The following PTPN3 variants were observed in gnomAD, a reference collection of about 807,000 sequenced individuals.
PTPN3 encodes the protein tyrosine-protein phosphatase non-receptor type 3.
PTPN3 carries 96 observed loss-of-function variants against 132.7 expected under a neutral mutation model. That is an observed-to-expected ratio of 0.72 (90% CI 0.61 to 0.86). PTPN3 has a LOEUF of 0.86. Ranked by LOEUF, PTPN3 falls within the 40% of genes least tolerant of loss-of-function variation. The pLI, the probability that PTPN3 is intolerant of heterozygous loss-of-function variation, is 0.00. For synonymous variants in PTPN3, 398 were observed against 429.0 expected, an observed-to-expected ratio of 0.93 and a Z score of 0.89; for missense variants, 1,125 against 1,159.6, an observed-to-expected ratio of 0.97 and a Z score of 0.43.
At chr9:109,525,086 C>T in the PTPN3 span, among the ~76,000 whole-genome samples, 2 of 151,860 alleles carry the variant, frequency 1.3e-5, no homozygotes, top group African/African-American at 4.8e-5. Flanking sequence ...TACTTTGTCA[C>T]CTGGGCTGAG....
chr9:109,445,395 A>G, intron 6 of PTPN3, 103 bp from the exon 7 acceptor site: 1 of 1,074,990 alleles, frequency 9.3e-7, no homozygotes, highest in African/African-American at 1.6e-5. Context: ...GCTTTGATCA[A>G]CCATTACAAA....
In PTPN3 at chr9:109,431,378, C is replaced by T. The variant is rs570011932; in HGVS notation, c.764+1695G>A. 2.4e-4 allele frequency among the ~76,000 whole-genome samples: 37 copies of T among 152,324 alleles called. 1 individual carries two copies. Among genetic ancestry groups the T allele is most frequent in the Admixed American group, 1.7e-3 (26 of 15,302 alleles). On this transcript the variant is annotated intron_variant, in intron 10 of 25. Transcript: ENST00000374541. ...TAGGCTGGACCCAAGGGGCTTTAGGCCTGTGGCACCTGGAGGAAGCCCCCG... is the reference window on the plus strand; with the variant it reads ...TAGGCTGGACCCAAGGGGCTTTAGGTCTGTGGCACCTGGAGGAAGCCCCCG...
intron 1 of PTPN3, among the ~76,000 whole-genome samples, chr9:109,493,626 C>T (rs1847554404): frequency 6.6e-6 from 1 of 152,238 alleles, no homozygotes; most frequent in South Asian, 2.1e-4. Context: ...CAGGCCTCCT[C>T]TTGCACAAAG....
intron 7 of PTPN3, among the ~76,000 whole-genome samples, chr9:109,443,809 A>G (rs547242372): frequency 6.6e-6 from 1 of 152,328 alleles, no homozygotes; most frequent in African/African-American, 2.4e-5. Flanking sequence ...TGAGTTTCCC[A>G]CTAAGGAGGA....
At position 109,430,566 on chromosome 9, in the gene PTPN3, C is replaced by T. The variant is rs147458237; in HGVS notation, c.765-1882G>A. On this transcript the variant is annotated intron_variant, in intron 10 of 25. Transcript: ENST00000374541. Reference sequence around the variant, plus strand: ...AAGAAAAAAAAAATGCACTGAGAGCCTAGGATGTACAAAGTTCTATGCCAG... The same window carrying T: ...AAGAAAAAAAAAATGCACTGAGAGCTTAGGATGTACAAAGTTCTATGCCAG... Among the ~76,000 whole-genome samples the T allele has an allele frequency of 3.3e-5, 5 of 152,196 alleles. No individual in the cohort carries two copies. In the East Asian group the frequency reaches 9.7e-4, roughly 29 times the overall value.
intron 22 of PTPN3, among the ~76,000 whole-genome samples, chr9:109,387,158 TTGTA>T (rs1308171594): frequency 1.3e-5 from 2 of 152,160 alleles, no homozygotes; most frequent in Admixed American, 6.5e-5. Flanking sequence ...TTCAGGCACC[TTGTA>T]TGTGAGGACA....
intron 8 of PTPN3, among the ~76,000 whole-genome samples, 158 bp from the exon 9 acceptor site, chr9:109,437,128 A>G (rs10979864): frequency 0.34 from 51,132 of 151,992 alleles, 9,500 homozygotes; most frequent in African/African-American, 0.48. Flanking sequence ...CTACTAAAGC[A>G]AGTTTTTATT....
At chr9:109,380,783 T>C (rs187994764) in intron 25 of PTPN3, among the ~76,000 whole-genome samples, 7 of 152,336 alleles carry the variant, frequency 4.6e-5, no homozygotes, top group African/African-American at 1.2e-4. Context: ...ACAGAGCTGG[T>C]TGGAACATAT....
chr9:109,497,923 G>C (rs569275922), intron 1 of PTPN3, among the ~76,000 whole-genome samples: 4 of 148,770 alleles, frequency 2.7e-5, no homozygotes, highest in Non-Finnish European at 4.5e-5. Flanking sequence ...TGCCCGGCTG[G>C]AGCGCACGCC....
At chr9:109,403,329 C>T (rs979891195) in intron 19 of PTPN3, among the ~76,000 whole-genome samples, 2 of 152,150 alleles carry the variant, frequency 1.3e-5, no homozygotes, top group African/African-American at 2.4e-5. Context: ...CACAAATGTC[C>T]GAGTTTTGCT....
At chr9:109,454,925 C>A (rs753145034) in intron 4 of PTPN3, among the ~76,000 whole-genome samples, 2 of 152,152 alleles carry the variant, frequency 1.3e-5, no homozygotes, top group Non-Finnish European at 2.9e-5. Context: ...TAATAGCCTG[C>A]GTTTGTGTAG....
rs1373958493 is a variant in PTPN3, at chr9:109,378,868, A to G, written c.*688T>C. 1 of 152,702 alleles carries G rather than the reference A, an allele frequency of 6.5e-6. No individual in the cohort carries two copies. Among genetic ancestry groups the G allele is most frequent in the Non-Finnish European group, 1.5e-5 (1 of 68,090 alleles). The allele number at this position is 152,702 out of a possible 1,614,324, so 9.5% of individuals were successfully genotyped here. On this transcript the variant is annotated 3_prime_UTR_variant, in exon 26 of 26. Coordinates refer to ENST00000374541, the MANE Select transcript of PTPN3 (RefSeq NM_002829.4). ...ACACACTGAGAGTACCAGTTCTCAG[A>G]GCCTCAGCTGAAAATTCACCTGAAT...
upstream of PTPN3, among the ~76,000 whole-genome samples, chr9:109,501,439 TG>T (rs1349755875): frequency 6.6e-6 from 1 of 152,218 alleles, no homozygotes; most frequent in African/African-American, 2.4e-5. Context: ...TAGGGTTTTT[TG>T]CCTTATTTTC....
At chr9:109,426,831 G>T in intron 12 of PTPN3, 119 bp downstream of exon 12, 1 of 1,123,694 alleles carries the variant, frequency 8.9e-7, no homozygotes, top group South Asian at 1.6e-5. Flanking sequence ...GAGATCCAAT[G>T]CCTGGAGCCC....
intron 2 of PTPN3, among the ~76,000 whole-genome samples, chr9:109,458,062 G>A (rs79566734): frequency 0.047 from 7,176 of 152,254 alleles, 333 homozygotes; most frequent in East Asian, 0.28. Context: ...GGGCAGGCAC[G>A]GTGTGGGAAT....
chr9:109,534,776 C>T, the PTPN3 span, among the ~76,000 whole-genome samples: 1 of 151,786 alleles, frequency 6.6e-6, no homozygotes. Context: ...CACTCCAGCC[C>T]GGAAGACAAG....
chr9:109,485,229 C>T (rs922156319), intron 1 of PTPN3, among the ~76,000 whole-genome samples: 17 of 152,034 alleles, frequency 1.1e-4, no homozygotes, highest in South Asian at 1.0e-3. Flanking sequence ...AAAAGTCGGC[C>T]GGGCGCGGTG....
At chr9:109,489,307 G>A (rs1442467994) in intron 1 of PTPN3, among the ~76,000 whole-genome samples, 2 of 152,226 alleles carry the variant, frequency 1.3e-5, no homozygotes, top group Admixed American at 6.5e-5. Flanking sequence ...AAAGCTGGGA[G>A]TGGCATCCTA....
At chr9:109,536,982 G>T in the PTPN3 span, among the ~76,000 whole-genome samples, 7 of 151,578 alleles carry the variant, frequency 4.6e-5, no homozygotes, top group Non-Finnish European at 1.0e-4. Context: ...CAGTGTGGTT[G>T]GAGTGTGCGT....
Sources: gnomAD v4.1 joint callset for allele counts (sites outside exome capture counted in the v4.1 genomes callset) on GRCh38, gnomAD v4.1.1 for gene constraint, MANE v1.5 for transcripts, NCBI Gene and HGNC (gene_info 2026-07-23, HGNC 2026-07-21) for gene names.